Variants in GPALPP1 observed in about 807,000 individuals in gnomAD.
The protein encoded by GPALPP1 is GPALPP motifs-containing protein 1.
GPALPP1 carries 30 observed loss-of-function variants against 38.9 expected under a neutral mutation model. That is an observed-to-expected ratio of 0.77 (90% CI 0.58 to 1.05). GPALPP1 has a LOEUF of 1.05. Ranked by LOEUF, GPALPP1 falls within the 50% of genes least tolerant of loss-of-function variation. The pLI, the probability that GPALPP1 is intolerant of heterozygous loss-of-function variation, is 0.00. For missense variants in GPALPP1, 384 were observed against 408.8 expected (o/e 0.94, Z 0.52); for synonymous variants, 120 against 139.2 (o/e 0.86, Z 0.97).
intron 4 of GPALPP1, among the ~76,000 whole-genome samples, chr13:45,014,385 A>G (rs1423612102): frequency 3.3e-5 from 5 of 152,220 alleles, no homozygotes. Context: ...ATAAAATAAT[A>G]GACAGGCCAC....
chr13:45,019,048 A>AAT (rs1566082053), intron 6 of GPALPP1, among the ~76,000 whole-genome samples: 2 of 14,938 alleles, frequency 1.3e-4, no homozygotes, highest in East Asian at 2.3e-3. Flanking sequence ...GAAATATATA[A>AAT]ATATAAATAT....
In GPALPP1 at chr13:45,015,600, AGAGGTTTTGTTTGTTT is replaced by A. The variant is rs746308609; in HGVS notation, c.705+6_705+21del. 6.8e-7 allele frequency: 1 copy of A among 1,467,908 alleles called. No individual in the cohort carries two copies. 90.9% of individuals were successfully genotyped at this position (1,467,908 alleles called of 1,614,324 possible). On this transcript the variant is annotated splice_donor_5th_base_variant and intron_variant, in intron 6 of 7. Transcript: ENST00000379151. ...TGATAGGGAAAGGAAAGCTAAGGTG[AGAGGTTTTGTTTGTTT>A]GTTCATGTATTTCTGTTCATGTTGG...
chr13:45,019,439 C>T (rs1875224179), intron 6 of GPALPP1, among the ~76,000 whole-genome samples: 1 of 151,870 alleles, frequency 6.6e-6, no homozygotes, highest in Non-Finnish European at 1.5e-5. Flanking sequence ...TGAGCTACCA[C>T]GCCCGGCCTC....
chr13:45,025,469 A>T (rs1875766266), intron 7 of GPALPP1, among the ~76,000 whole-genome samples: 1 of 152,164 alleles, frequency 6.6e-6, no homozygotes, highest in Non-Finnish European at 1.5e-5. Context: ...ATTTACAGAG[A>T]TGTTGTGAGG....
chr13:45,002,955 A>G (rs772485890), intron 1 of GPALPP1, among the ~76,000 whole-genome samples: 3 of 152,202 alleles, frequency 2.0e-5, no homozygotes, highest in Non-Finnish European at 4.4e-5. Context: ...CCACATATAC[A>G]GTGTCACCTT....
At chr13:45,022,437 T>A (rs959895462) in intron 7 of GPALPP1, among the ~76,000 whole-genome samples, 4 of 151,842 alleles carry the variant, frequency 2.6e-5, no homozygotes, top group Non-Finnish European at 2.9e-5. Context: ...AATATATATA[T>A]AAAAAAACAA....
At chr13:45,024,855 G>A (rs1875726548) in intron 7 of GPALPP1, among the ~76,000 whole-genome samples, 1 of 152,172 alleles carries the variant, frequency 6.6e-6, no homozygotes, top group East Asian at 1.9e-4. Flanking sequence ...GAACTCAGGA[G>A]GCTTGCAGTG....
chr13:45,010,303 T>C (rs1435472802), intron 4 of GPALPP1, among the ~76,000 whole-genome samples: 1 of 152,322 alleles, frequency 6.6e-6, no homozygotes, highest in East Asian at 1.9e-4. Flanking sequence ...TGCTGGAATA[T>C]TATCTTTCCA....
intron 1 of GPALPP1, among the ~76,000 whole-genome samples, chr13:44,995,000 G>A (rs1417942184): frequency 1.3e-5 from 2 of 151,910 alleles, no homozygotes; most frequent in African/African-American, 4.8e-5. Context: ...ATACAGGCGT[G>A]CACCACCACA....
At chr13:45,031,455 C>T (rs1265685240), downstream of GPALPP1, 1 of 151,986 alleles carries the variant, frequency 6.6e-6, no homozygotes, top group Non-Finnish European at 1.5e-5. Flanking sequence ...TCTTTGGATA[C>T]TTACTTTTCT....
At chr13:45,035,750 C>T (rs1445936644) in exon 8 of GPALPP1, 1 of 152,194 alleles carries the variant, frequency 6.6e-6, no homozygotes, top group Admixed American at 6.5e-5. Context: ...CCTAGGAGTT[C>T]ATTTAAATGC....
chr13:45,003,266 A>G (rs1157803867), intron 1 of GPALPP1, among the ~76,000 whole-genome samples: 1 of 152,240 alleles, frequency 6.6e-6, no homozygotes, highest in African/African-American at 2.4e-5. Flanking sequence ...AGAATTAAAT[A>G]GAATAATGTG....
chr13:45,036,050 A>G (rs1441912189), exon 8 of GPALPP1: 6 of 152,210 alleles, frequency 3.9e-5, no homozygotes, highest in Admixed American at 1.3e-4. Flanking sequence ...GTGTTCCTAT[A>G]AACAATCCCC....
rs1034121749 is a variant in GPALPP1, at chr13:45,029,152, A to G, written c.*1149A>G. On this transcript the variant is annotated 3_prime_UTR_variant, in exon 8 of 8. Coordinates refer to ENST00000379151, the MANE Select transcript of GPALPP1 (RefSeq NM_018559.5). ...TGATTTTTAATTGTATTAAACCTAT[A>G]TCAATATTCAAATGTGATTTTTGAG... 6.6e-6 allele frequency: 1 copy of G among 152,194 alleles called. No individual in the cohort carries two copies. Among genetic ancestry groups the G allele is most frequent in the Non-Finnish European group, 1.5e-5 (1 of 68,032 alleles). The allele number at this position is 152,194 out of a possible 1,614,324, so 9.4% of individuals were successfully genotyped here. A position where few individuals can be genotyped will look rare whatever the true frequency, so the allele number is the denominator to read the frequency against.
chr13:45,025,773 ATT>A (rs60384935), intron 7 of GPALPP1, among the ~76,000 whole-genome samples: 6,909 of 139,968 alleles, frequency 0.049, 225 homozygotes, highest in East Asian at 0.12. Context: ...TTGATTATCT[ATT>A]TTTTTTTTTT....
Position 45,015,447 on chromosome 13 carries a change from A to G in GPALPP1, c.556A>G (p.Ile186Val), listed in dbSNP as rs1452959625. 6.9e-6 allele frequency: 11 copies of G among 1,590,474 alleles called. No homozygotes were observed. Among genetic ancestry groups the G allele is most frequent in the Non-Finnish European group, 9.4e-6 (11 of 1,170,832 alleles). Reference sequence around the variant, plus strand: ...TCTCTTAAAGGATTCATCTAAACCCATTGTAAGAGAGTCATGGATGACTGA... The same window carrying G: ...TCTCTTAAAGGATTCATCTAAACCCGTTGTAAGAGAGTCATGGATGACTGA... Reference protein sequence around the residue: ...TKGDDDSSKPIVRESWMTELP... With the variant: ...TKGDDDSSKPVVRESWMTELP... The change falls in exon 6 of 8, where the codon ATT becomes GTT. Residue 186 changes from isoleucine to valine, a missense_variant. Ile to Val is a conservative substitution (Grantham distance 29, BLOSUM62 3). Transcript: ENST00000379151.
At chr13:45,010,078 C>T (rs960547091) in intron 4 of GPALPP1, among the ~76,000 whole-genome samples, 4 of 152,142 alleles carry the variant, frequency 2.6e-5, no homozygotes, top group Non-Finnish European at 5.9e-5. Context: ...AAGTCAAAAC[C>T]AAAGTCCTTT....
intron 1 of GPALPP1, among the ~76,000 whole-genome samples, chr13:44,995,200 A>ACACACACACACC (rs1463739894): frequency 2.9e-5 from 1 of 34,894 alleles, no homozygotes; most frequent in Non-Finnish European, 1.2e-4. Flanking sequence ...ACACACACAC[A>ACACACACACACC]CACCCCTTCT....
intron 1 of GPALPP1, among the ~76,000 whole-genome samples, chr13:44,997,230 C>G (rs207473725): frequency 6.6e-6 from 1 of 152,026 alleles, no homozygotes; most frequent in African/African-American, 2.4e-5. Context: ...TCCTCACACT[C>G]TGCTGTCCCA....
Sources: allele counts gnomAD v4.1 joint callset (sites outside exome capture counted in the v4.1 genomes callset), GRCh38; gene constraint gnomAD v4.1.1; transcripts MANE v1.5; gene names NCBI Gene and HGNC (gene_info 2026-07-23, HGNC 2026-07-21).